Variants in ZAR1 observed in about 807,000 individuals in gnomAD.
The protein encoded by ZAR1 is zygote arrest protein 1.
Under a neutral mutation model 38.3 loss-of-function variants are expected in ZAR1, and 37 were observed. That is an observed-to-expected ratio of 0.97 (90% CI 0.74 to 1.27). ZAR1 has a LOEUF of 1.27. Ranked by LOEUF, ZAR1 falls within the 50% of genes most tolerant of loss-of-function variation. ZAR1 has a pLI of 0.00. For synonymous variants in ZAR1, 336 were observed against 292.0 expected (o/e 1.15, Z -1.53); for missense variants, 651 against 632.4 (o/e 1.03, Z -0.32).
chr4:48,494,399 T>C, downstream of ZAR1: 1 of 946,136 alleles, frequency 1.1e-6, no homozygotes, highest in Non-Finnish European at 1.6e-6. Context: ...ATTTATACAT[T>C]GCATAAAATC....
chr4:48,490,947 G>A lies in ZAR1; in HGVS notation c.656G>A (p.Arg219Gln). ...SDGERGPPPA[R>Q]LQGPEEGEVW... ...GGAGAGAGGGGGCCGCCGCCCGCGC[G>A]GCTTCAAGGCCCAGAGGAGGGGGAG... Residue 219 changes from arginine (R) to glutamine (Q), a missense_variant, in exon 1 of 4, where the codon CGG becomes CAG. Physicochemically the swap from Arg to Gln is conservative, Grantham distance 43. This residue lies in a region of ZAR1 where 522 missense variants were observed against 459.9 expected (regional missense o/e 1.14). Coordinates refer to ENST00000327939, the MANE Select transcript of ZAR1 (RefSeq NM_175619.3). 6.0e-6 allele frequency: 8 copies of A among 1,341,418 alleles called. No homozygotes were observed. Among genetic ancestry groups the A allele is most frequent in the Non-Finnish European group, 7.6e-6 (8 of 1,051,082 alleles). The allele number at this position is 1,341,418 out of a possible 1,614,324, so 83.1% of individuals were successfully genotyped here.
chr4:48,492,885 T>A, intron 2 of ZAR1, 27 bp downstream of exon 2: 1 of 1,614,040 alleles, frequency 6.2e-7, no homozygotes, highest in African/African-American at 1.3e-5. Context: ...AACTGGCATC[T>A]TCTTGCTGAA....
At chr4:48,495,018 CTTTT>C (rs539846997), downstream of ZAR1, among the ~76,000 whole-genome samples, 2 of 149,400 alleles carry the variant, frequency 1.3e-5, no homozygotes, top group African/African-American at 4.9e-5. Flanking sequence ...TCTTCAAAGC[CTTTT>C]TTTTTTCTTC....
intron 3 of ZAR1, 144 bp downstream of exon 3, chr4:48,493,156 C>T (rs1341548512): frequency 1.0e-5 from 7 of 702,604 alleles, no homozygotes; most frequent in Non-Finnish European, 1.4e-5. Context: ...AAACAATACT[C>T]AGCTGGGAAA....
intron 3 of ZAR1, 127 bp from the exon 4 acceptor site, chr4:48,493,974 A>G (rs1418038095): frequency 8.4e-7 from 1 of 1,196,498 alleles, no homozygotes; most frequent in African/African-American, 1.5e-5. Context: ...AGGGAAAACA[A>G]GATTACTATG....
In ZAR1 at chr4:48,494,213, A is replaced by T. The variant is rs775890824; in HGVS notation, c.1244A>T (p.Asp415Val). 1.2e-6 allele frequency: 2 copies of T among 1,614,110 alleles called. No homozygotes were observed. The highest frequency in any genetic ancestry group is 1.7e-6 in the Non-Finnish European group (2 of 1,180,048). ...GRCKGKRLSC[D>V]STFSFKYII The stretch of plus-strand genomic sequence containing the variant: ...TGCAAAGGCAAACGCCTGTCCTGTG[A>T]CAGCACTTTCAGCTTCAAATACATC... Residue 415 changes from aspartate to valine, a missense_variant, in exon 4 of 4, where the codon GAC becomes GTC. Physicochemically the swap from Asp to Val is radical, Grantham distance 152. Transcript: ENST00000327939.
chr4:48,494,015 C>CT, intron 3 of ZAR1, 86 bp from the exon 4 acceptor site: 1 of 1,499,070 alleles, frequency 6.7e-7, no homozygotes, highest in Non-Finnish European at 9.0e-7. Flanking sequence ...TCATTAAGTA[C>CT]TTGAATGGAC....
At chr4:48,497,191 T>C (rs534906900), downstream of ZAR1, among the ~76,000 whole-genome samples, 5 of 152,292 alleles carry the variant, frequency 3.3e-5, no homozygotes, top group African/African-American at 1.2e-4. Context: ...AGGCTGTATG[T>C]AGCAAAAACT....
chr4:48,495,707 C>T (rs553112124), downstream of ZAR1, among the ~76,000 whole-genome samples: 1 of 152,238 alleles, frequency 6.6e-6, no homozygotes, highest in Admixed American at 6.5e-5. Context: ...AGGGACCTGA[C>T]TTAGGGAGAT....
Position 48,490,886 on chromosome 4 carries a change from C to G in ZAR1, c.595C>G (p.Pro199Ala). 1 of 1,405,416 alleles carries G rather than the reference C, an allele frequency of 7.1e-7. No individual in the cohort carries two copies. The allele number at this position is 1,405,416 out of a possible 1,614,324, so 87.1% of individuals were successfully genotyped here. Reference protein sequence around the residue: ...RLTAFLEGPGPAAGEQRSGAS... With the variant: ...RLTAFLEGPGAAAGEQRSGAS... ...CACCGCCTTCCTGGAGGGGCCCGGG[C>G]CCGCGGCGGGCGAGCAGAGGTCCGG... Residue 199 changes from proline (P) to alanine (A), a missense_variant, in exon 1 of 4, where the codon CCC becomes GCC. Physicochemically the swap from Pro to Ala is conservative, Grantham distance 27. This residue lies in a region of ZAR1 where 522 missense variants were observed against 459.9 expected (regional missense o/e 1.14). Coordinates refer to ENST00000327939, the MANE Select transcript of ZAR1 (RefSeq NM_175619.3).
Position 48,490,783 on chromosome 4 carries a change from C to A in ZAR1, c.492C>A (p.Ser164Arg), listed in dbSNP as rs1015925871. 15 of 1,499,568 alleles carry A rather than the reference C, an allele frequency of 1.0e-5. No individual in the cohort carries two copies. The highest frequency in any genetic ancestry group is 2.9e-5 in the African/African-American group (2 of 69,614). 92.9% of individuals were successfully genotyped at this position (1,499,568 alleles called of 1,614,324 possible). ...CCCGTCGAGGCCTGGAGCAGGGCAGCCCCCAGAACGGCGCCCCGCGGCCCA... is the reference window on the plus strand; with the variant it reads ...CCCGTCGAGGCCTGGAGCAGGGCAGACCCCAGAACGGCGCCCCGCGGCCCA... The part of the protein sequence containing the change: ...QPSRRGLEQG[S>R]PQNGAPRPMR... The change falls in exon 1 of 4, where the codon AGC becomes AGA. Residue 164 changes from serine to arginine, a missense_variant. Around this residue, in one of 2 missense-constraint regions of ZAR1, gnomAD observed 522 missense variants for 459.9 expected, o/e 1.14. Transcript: ENST00000327939.
Position 48,490,913 on chromosome 4 carries a change from G to T in ZAR1, c.622G>T (p.Ala208Ser), listed in dbSNP as rs1483845487. The change falls in exon 1 of 4, where the codon GCG (alanine) becomes TCG (serine). Residue 208 changes from alanine (A) to serine (S), a missense_variant. Physicochemically the swap from Ala to Ser is moderately conservative, Grantham distance 99 (BLOSUM62 1). Transcript: ENST00000327939. The part of the protein sequence containing the change: ...GPAAGEQRSG[A>S]SDGERGPPPA... Reference sequence around the variant, plus strand: ...CGCGGCGGGCGAGCAGAGGTCCGGGGCGTCGGACGGAGAGAGGGGGCCGCC... The same window carrying T: ...CGCGGCGGGCGAGCAGAGGTCCGGGTCGTCGGACGGAGAGAGGGGGCCGCC... 5.1e-6 allele frequency: 7 copies of T among 1,359,774 alleles called. No individual in the cohort carries two copies. The Admixed American group carries it at 2.3e-4, about 44-fold the overall frequency. 84.2% of individuals were successfully genotyped at this position (1,359,774 alleles called of 1,614,324 possible).
In ZAR1 at chr4:48,494,115, G is replaced by A. The variant is rs548761742; in HGVS notation, c.1146G>A (p.Thr382=). 6 of 1,613,484 alleles carry A rather than the reference G, an allele frequency of 3.7e-6. No homozygotes were observed. Among genetic ancestry groups the A allele is most frequent in the South Asian group, 2.2e-5 (2 of 91,056 alleles). The change falls in exon 4 of 4, where the codon ACG becomes ACA. Residue 382 remains threonine, a synonymous_variant. Coordinates refer to ENST00000327939, the MANE Select transcript of ZAR1 (RefSeq NM_175619.3). ...TTTTCCCCCAGAGTTGTAAACAAAC[G>A]AGATGTTCCTGCCCAGTAAAACTTC... ...EDITCQSCKQ[T]RCSCPVKLRH... is the part of the protein sequence containing the mutation.
At chr4:48,494,932 G>T (rs1372888495), downstream of ZAR1, among the ~76,000 whole-genome samples, 2 of 152,186 alleles carry the variant, frequency 1.3e-5, no homozygotes, top group Admixed American at 6.5e-5. Context: ...GGCAAAAGTG[G>T]GGCTTGGAAC....
chr4:48,493,397 CA>C (rs1277930267), intron 3 of ZAR1, among the ~76,000 whole-genome samples: 1 of 152,142 alleles, frequency 6.6e-6, no homozygotes, highest in Non-Finnish European at 1.5e-5. Flanking sequence ...TACTTAAGCA[CA>C]GGGGGTTAGT....
At chr4:48,493,413 C>T (rs1237747205) in intron 3 of ZAR1, among the ~76,000 whole-genome samples, 5 of 152,134 alleles carry the variant, frequency 3.3e-5, no homozygotes, top group Non-Finnish European at 7.3e-5. Context: ...GTTAGTTTGT[C>T]TTGCCTGAAA....
At position 48,494,361 on chromosome 4, in the gene ZAR1, A is replaced by G; in HGVS notation, c.*117A>G. On this transcript the variant is annotated 3_prime_UTR_variant, in exon 4 of 4. Coordinates refer to ENST00000327939, the MANE Select transcript of ZAR1 (RefSeq NM_175619.3). ...CATGAAAGGCAGTGTATTCTGAAAA[A>G]GCCTTCAAATAAAGGTATTGCAACA... is the stretch of plus-strand genomic sequence containing the variant. 1 of 1,354,350 alleles carries G rather than the reference A, an allele frequency of 7.4e-7. No individual in the cohort carries two copies. The highest frequency in any genetic ancestry group is 1.3e-5 in the South Asian group (1 of 79,764). The allele number at this position is 1,354,350 out of a possible 1,614,324, so 83.9% of individuals were successfully genotyped here. A position where few individuals can be genotyped will look rare whatever the true frequency, so the allele number is the denominator to read the frequency against.
Position 48,491,134 on chromosome 4 carries a change from G to A in ZAR1, c.843G>A (p.Pro281=), listed in dbSNP as rs1196668567. The A allele has an allele frequency of 1.1e-5, 14 of 1,243,946 alleles. 1 individual carries two copies. The South Asian group carries it at 4.0e-4, about 36-fold the overall frequency. 77.1% of individuals were successfully genotyped at this position (1,243,946 alleles called of 1,614,324 possible). A position where few individuals can be genotyped will look rare whatever the true frequency, so the allele number is the denominator to read the frequency against. The change falls in exon 1 of 4, where the codon CCG becomes CCA. Residue 281 remains proline, a synonymous_variant. Coordinates refer to ENST00000327939, the MANE Select transcript of ZAR1 (RefSeq NM_175619.3). ...EAAPRSALRS[P]GQPPSAGRAR... Reference sequence around the variant, plus strand: ...CTCCGCGGTCGGCGCTAAGGAGCCCGGGGCAACCTCCGTCGGCGGGGAGGG... The same window carrying A: ...CTCCGCGGTCGGCGCTAAGGAGCCCAGGGCAACCTCCGTCGGCGGGGAGGG...
chr4:48,491,542 A>C (rs1718443551), intron 1 of ZAR1, among the ~76,000 whole-genome samples: 1 of 146,344 alleles, frequency 6.8e-6, no homozygotes. Context: ...AACCTCGCGC[A>C]GTGGGCGCAT....
Sources: gnomAD v4.1 joint callset for allele counts (sites outside exome capture counted in the v4.1 genomes callset) on GRCh38, gnomAD v4.1.1 for gene constraint, gnomAD v4.1.1 regional missense constraint, MANE v1.5 for transcripts, NCBI Gene and HGNC (gene_info 2026-07-23, HGNC 2026-07-21) for gene names.